Variants in XIST observed in about 807,000 individuals in gnomAD.
XIST encodes X inactive specific transcript, also known as X inactive specific transcript (non-protein coding).
rs774499020 is a variant in XIST, at chrX:73,829,513, G to A, written n.11753-282C>T. The A allele has an allele frequency of 2.3e-4, 43 of 185,218 alleles. No homozygotes were observed. In the South Asian group the frequency reaches 3.4e-3, roughly 15 times the overall value. The allele number at this position is 185,218 out of a possible 1,213,427, so 15.3% of individuals were successfully genotyped here. ...ACCTTAGTTAAAGACCAGAACTGCC[G>A]GGCGCGGTGGCTCACGCCCATAATC... On this transcript the variant is annotated intron_variant and non_coding_transcript_variant, in intron 4 of 5. Coordinates refer to ENST00000429829, the Ensembl canonical transcript of XIST.
chrX:73,845,464 A>AG (rs1483238656), exon 1 of XIST: 1 of 548,232 alleles, frequency 1.8e-6, no homozygotes, highest in Non-Finnish European at 3.3e-6. Flanking sequence ...TCCAAATGTA[A>AG]GGGTATATGG....
chrX:73,822,304 G>A (rs776783086), exon 6 of XIST: 1 of 555,300 alleles, frequency 1.8e-6, no homozygotes, highest in South Asian at 2.3e-5. Context: ...GCTTATCGTA[G>A]TGGCCAGAGT....
exon 1 of XIST, chrX:73,844,388 A>G (rs1922677643): frequency 1.8e-6 from 1 of 558,747 alleles, no homozygotes; most frequent in East Asian, 3.2e-5. Flanking sequence ...GTCCATGAGA[A>G]GGTGCCCTTA....
chrX:73,834,367 G>A (rs1374896104), intron 2 of XIST, among the ~76,000 whole-genome samples: 1 of 112,755 alleles, frequency 8.9e-6, no homozygotes, highest in African/African-American at 3.2e-5. Context: ...TAGCATCAAA[G>A]CCCTCTAGTT....
chrX:73,829,448 G>A, intron 4 of XIST: 1 of 339,790 alleles, frequency 2.9e-6, no homozygotes. Flanking sequence ...AATATCACTT[G>A]ATGAGTCACT....
In XIST at chrX:73,851,957, A is replaced by G. The variant is rs771133357; in HGVS notation, n.767T>C. The G allele has an allele frequency of 3.1e-5, 17 of 555,972 alleles. No homozygotes were observed. The South Asian group carries it at 3.8e-4, about 12-fold the overall frequency. The allele number at this position is 555,972 out of a possible 1,213,427, so 45.8% of individuals were successfully genotyped here. On this transcript the variant is annotated non_coding_transcript_exon_variant, in exon 1 of 6. Transcript: ENST00000429829. Reference sequence around the variant, plus strand: ...AAAGTGTAGATATTCCAGAGAGTGCAACAACCCACAAAACCAACATTTTTT... The same window carrying G: ...AAAGTGTAGATATTCCAGAGAGTGCGACAACCCACAAAACCAACATTTTTT...
exon 6 of XIST, chrX:73,827,792 G>T (rs1476409008): frequency 1.9e-6 from 1 of 537,148 alleles, no homozygotes; most frequent in Non-Finnish European, 3.4e-6. Flanking sequence ...AGAGCAAAGA[G>T]AAATAGCAAC....
chrX:73,845,434 A>C lies in XIST; in HGVS notation n.7290T>G, dbSNP rs1203753786. The stretch of plus-strand genomic sequence containing the variant: ...CCAAGGTGAGTGCCTATGCTCACTT[A>C]CAATTGTGCACCTTGATTGTCCAAA... On this transcript the variant is annotated non_coding_transcript_exon_variant, in exon 1 of 6. Coordinates refer to ENST00000429829, the Ensembl canonical transcript of XIST. 5.4e-6 allele frequency: 3 copies of C among 553,428 alleles called. No homozygotes were observed. In the Admixed American group the frequency reaches 6.7e-5, roughly 12 times the overall value. 45.6% of individuals were successfully genotyped at this position (553,428 alleles called of 1,213,427 possible). A position where few individuals can be genotyped will look rare whatever the true frequency, so the allele number is the denominator to read the frequency against.
At chrX:73,827,479 G>A (rs1299621203) in exon 6 of XIST, 1 of 538,466 alleles carries the variant, frequency 1.9e-6, no homozygotes, top group Non-Finnish European at 3.3e-6. Flanking sequence ...AACAGCAAGA[G>A]ATGCTGAGGC....
exon 1 of XIST, chrX:73,847,166 C>A (rs746402507): frequency 3.6e-6 from 2 of 557,492 alleles, no homozygotes; most frequent in East Asian, 6.5e-5. Context: ...AAAAGTACAG[C>A]AGCAAATATA....
exon 1 of XIST, chrX:73,848,810 C>T (rs778095389): frequency 1.8e-6 from 1 of 558,284 alleles, no homozygotes; most frequent in South Asian, 2.2e-5. Context: ...AGAGGACATC[C>T]TAGACTAATG....
At chrX:73,822,577 C>T (rs994590187) in exon 6 of XIST, 3 of 508,536 alleles carry the variant, frequency 5.9e-6, no homozygotes, top group Non-Finnish European at 1.1e-5. Flanking sequence ...AATTAATAAG[C>T]AAGTGTCTTT....
chrX:73,843,937 T>C (rs767570639), exon 1 of XIST: 2 of 557,855 alleles, frequency 3.6e-6, no homozygotes, highest in East Asian at 3.2e-5. Flanking sequence ...TTCAATTATA[T>C]GTTGATAGTC....
exon 6 of XIST, chrX:73,820,900 A>G (rs1569511327): frequency 7.1e-6 from 4 of 559,506 alleles, no homozygotes; most frequent in Non-Finnish European, 1.3e-5. Flanking sequence ...ACAATGACGA[A>G]GCCACTTAAT....
At chrX:73,849,692 C>A (rs1171002978) in exon 1 of XIST, 1 of 558,210 alleles carries the variant, frequency 1.8e-6, no homozygotes, top group Non-Finnish European at 3.2e-6. Context: ...GGAGTCAGTA[C>A]TGAAGATCAG....
chrX:73,849,250 G>A, exon 1 of XIST: 1 of 558,942 alleles, frequency 1.8e-6, no homozygotes, highest in Non-Finnish European at 3.2e-6. Context: ...AAGCGCAGTA[G>A]GGTGCCTTTG....
chrX:73,845,809 C>CTGGGAG, exon 1 of XIST: 1 of 240,115 alleles, frequency 4.2e-6, no homozygotes, highest in Non-Finnish European at 8.0e-6. Flanking sequence ...GAAAGGAAGA[C>CTGGGAG]TGGGAGTGGG....
At chrX:73,848,870 G>A (rs1221531082) in exon 1 of XIST, 2 of 556,000 alleles carry the variant, frequency 3.6e-6, no homozygotes, top group East Asian at 6.5e-5. Context: ...AAGGTGGTAG[G>A]TAGTTCACAC....
At chrX:73,835,404 T>G (rs1051316375) in intron 2 of XIST, among the ~76,000 whole-genome samples, 1 of 112,244 alleles carries the variant, frequency 8.9e-6, no homozygotes, top group Non-Finnish European at 1.9e-5. Context: ...ATGGCAGGAT[T>G]TAAAGCAGTT....
Sources: allele counts gnomAD v4.1 joint callset (sites outside exome capture counted in the v4.1 genomes callset), GRCh38; gene constraint gnomAD v4.1.1; transcripts MANE v1.5; gene names NCBI Gene and HGNC (gene_info 2026-07-23, HGNC 2026-07-21).